TCF20: variants seen among roughly 807,000 people sequenced by gnomAD.
TCF20 encodes SPRE-binding protein.
Under a neutral mutation model 148.6 loss-of-function variants are expected in TCF20, and 3 were observed. That is an observed-to-expected ratio of 0.02 (90% CI 0.01 to 0.05). The LOEUF (loss-of-function observed/expected upper bound fraction) is 0.05, where lower values mean the gene tolerates loss of function less well. Ranked by LOEUF, TCF20 falls within the 10% of genes least tolerant of loss-of-function variation. The pLI, the probability that TCF20 is intolerant of heterozygous loss-of-function variation, is 1.00. For missense variants in TCF20, 2,350 were observed against 2,429.3 expected, an observed-to-expected ratio of 0.97 and a Z score of 0.69; for synonymous variants, 1,049 against 909.5, an observed-to-expected ratio of 1.15 and a Z score of -2.76.
upstream of TCF20, among the ~76,000 whole-genome samples, chr22:42,287,583 T>C (rs1008436772): frequency 6.6e-6 from 1 of 152,142 alleles, no homozygotes; most frequent in African/African-American, 2.4e-5. Context: ...GAGTCAGCAG[T>C]GAAAGCACAG....
intron 1 of TCF20, among the ~76,000 whole-genome samples, chr22:42,248,133 G>A (rs1292987025): frequency 6.6e-6 from 1 of 152,196 alleles, no homozygotes; most frequent in Admixed American, 6.5e-5. Context: ...TCAGATAATT[G>A]CTGTGAAGGG....
chr22:42,209,415 G>A (rs1284069620), intron 2 of TCF20, among the ~76,000 whole-genome samples: 2 of 152,112 alleles, frequency 1.3e-5, no homozygotes, highest in Non-Finnish European at 2.9e-5. Context: ...TGTGGCCCAA[G>A]AAACTTGAAA....
At chr22:42,198,016 A>C (rs1937695503) in intron 2 of TCF20, among the ~76,000 whole-genome samples, 1 of 152,216 alleles carries the variant, frequency 6.6e-6, no homozygotes, top group Non-Finnish European at 1.5e-5. Flanking sequence ...GCAGTTCAAC[A>C]GCCATAAATT....
chr22:42,255,419 G>A (rs552741229), intron 1 of TCF20, among the ~76,000 whole-genome samples: 3 of 152,158 alleles, frequency 2.0e-5, no homozygotes, highest in African/African-American at 7.2e-5. Flanking sequence ...AACCCGGGAG[G>A]AGGAGACTGC....
rs145994097 is a variant in TCF20 at position 42,213,242 on chromosome 22, C to T, written c.2064G>A (p.Ala688=). ...EGNGQSGHSA[A]GPGFTSRTEP... The stretch of plus-strand genomic sequence containing the variant: ...CAGTTCTGCTCGTAAAACCAGGGCC[C>T]GCTGCAGAGTGGCCACTCTGGCCAT... Residue 688 remains alanine, a synonymous_variant, in exon 2 of 6, where the codon GCG becomes GCA. Coordinates refer to ENST00000677622, the MANE Select transcript of TCF20 (RefSeq NM_001378418.1). The T allele has an allele frequency of 6.2e-6, 10 of 1,614,000 alleles. No individual in the cohort carries two copies. The highest frequency in any genetic ancestry group is 5.5e-5 in the South Asian group (5 of 91,080).
intron 3 of TCF20, among the ~76,000 whole-genome samples, chr22:42,176,982 T>C (rs1207590121): frequency 6.6e-6 from 1 of 152,220 alleles, no homozygotes; most frequent in African/African-American, 2.4e-5. Context: ...TAGTTTCAAA[T>C]GACTAGAAGA....
chr22:42,257,902 G>T (rs940167519), intron 1 of TCF20, among the ~76,000 whole-genome samples: 9 of 152,158 alleles, frequency 5.9e-5, no homozygotes, highest in African/African-American at 2.2e-4. Context: ...ATAACACTTA[G>T]CACACTGCCA....
At position 42,292,875 on chromosome 22, in the gene TCF20, CT is replaced by C. The variant is rs1416168837; in HGVS notation, c.-37+50603del. 6.6e-6 allele frequency among the ~76,000 whole-genome samples: 1 copy of C among 150,708 alleles called. No homozygotes were observed. The highest frequency in any genetic ancestry group is 2.4e-5 in the African/African-American group (1 of 40,912). On this transcript the variant is annotated intron_variant, in intron 1 of 1. Coordinates refer to the TCF20 transcript ENST00000515426. This position sits in a 1 kb window ranked among gnomAD's most constrained non-coding sequence, Gnocchi z 4.9. ...GCACAGACACATGGCTGGTGTGACC[CT>C]TCCACTGTCCCCAGCGCTGGATACT...
chr22:42,203,871 A>G (rs2147173685), intron 2 of TCF20, among the ~76,000 whole-genome samples: 1 of 152,224 alleles, frequency 6.6e-6, no homozygotes, highest in Non-Finnish European at 1.5e-5. Flanking sequence ...TGGAGTTAGG[A>G]GCAGAGAACA....
intron 1 of TCF20, among the ~76,000 whole-genome samples, chr22:42,234,606 T>G (rs1923713142): frequency 6.6e-6 from 1 of 152,190 alleles, no homozygotes; most frequent in Non-Finnish European, 1.5e-5. Context: ...CTTGCTTTTT[T>G]TAAGTGTCCA....
chr22:42,206,685 CAAAGA>C (rs1938410431), intron 2 of TCF20, among the ~76,000 whole-genome samples: 1 of 151,918 alleles, frequency 6.6e-6, no homozygotes, highest in African/African-American at 2.4e-5. Flanking sequence ...GAAGGAGGCA[CAAAGA>C]AAAGACCGTA....
intron 1 of TCF20, among the ~76,000 whole-genome samples, chr22:42,283,380 G>T (rs1382493454): frequency 1.3e-5 from 2 of 151,732 alleles, no homozygotes; most frequent in Non-Finnish European, 2.9e-5. Context: ...GCTGGATCTG[G>T]ACCGGAGGGG....
chr22:42,250,121 C>A (rs5751252), intron 1 of TCF20, among the ~76,000 whole-genome samples: 1 of 152,100 alleles, frequency 6.6e-6, no homozygotes, highest in Non-Finnish European at 1.5e-5. Flanking sequence ...GGCAACATAG[C>A]TAGAAGACTA....
intron 1 of TCF20, among the ~76,000 whole-genome samples, chr22:42,234,600 CTTTT>C (rs752658115): frequency 9.2e-5 from 14 of 152,210 alleles, no homozygotes; most frequent in Non-Finnish European, 2.1e-4. Context: ...CTAGTTCTTG[CTTTT>C]TTTAAGTGTC....
At chr22:42,220,329 A>T (rs1922240958) in intron 1 of TCF20, among the ~76,000 whole-genome samples, 1 of 152,110 alleles carries the variant, frequency 6.6e-6, no homozygotes, top group African/African-American at 2.4e-5. Flanking sequence ...CCCCTGGCTA[A>T]TTTTTAAAAA....
intron 1 of TCF20, among the ~76,000 whole-genome samples, chr22:42,228,136 T>C (rs1441364985): frequency 6.6e-6 from 1 of 152,158 alleles, no homozygotes; most frequent in Non-Finnish European, 1.5e-5. Context: ...TCTGGCTGTT[T>C]TGTGGAAAAC....
rs369800055 is a variant in TCF20, at chr22:42,168,637, G to A, written c.*16C>T. On this transcript the variant is annotated 3_prime_UTR_variant, in exon 5 of 6. Coordinates refer to ENST00000677622, the MANE Select transcript of TCF20 (RefSeq NM_001378418.1). Reference sequence around the variant, plus strand: ...TGCTTGCTGTCCTTTCCATTCCCACGAGCACACTGCCCCCCTCACCCCCGC... The same window carrying A: ...TGCTTGCTGTCCTTTCCATTCCCACAAGCACACTGCCCCCCTCACCCCCGC... The A allele has an allele frequency of 7.5e-6, 12 of 1,593,840 alleles. No homozygotes were observed. Among genetic ancestry groups the A allele is most frequent in the East Asian group, 2.3e-5 (1 of 44,056 alleles).
rs57857271 is a variant in TCF20, at chr22:42,179,490, C to CAAAA, written c.5749+115_5749+118dup. ...GGTGGGAAGTTTTTTTATGAAGTGACAAAAAAAAAAAAAAAAAAAAAGAAA... is the reference window on the plus strand; with the variant it reads ...GGTGGGAAGTTTTTTTATGAAGTGACAAAAAAAAAAAAAAAAAAAAAAAAAGAAA... On this transcript the variant is annotated intron_variant, in intron 3 of 5. Coordinates refer to ENST00000677622, the MANE Select transcript of TCF20 (RefSeq NM_001378418.1). 6.5e-3 allele frequency: 2,418 copies of CAAAA among 371,710 alleles called. 17 individuals are homozygous for CAAAA. The highest frequency in any genetic ancestry group is 7.4e-3 in the Non-Finnish European group (1,674 of 225,060). 23.0% of individuals were successfully genotyped at this position (371,710 alleles called of 1,614,324 possible). A position where few individuals can be genotyped will look rare whatever the true frequency, so the allele number is the denominator to read the frequency against.
rs1269969637 is a variant in TCF20, at chr22:42,292,744, C to A, written c.-37+50735G>T. Among the ~76,000 whole-genome samples the A allele has an allele frequency of 6.6e-6, 1 of 152,022 alleles. No homozygotes were observed. The highest frequency in any genetic ancestry group is 1.5e-5 in the Non-Finnish European group (1 of 68,006). On this transcript the variant is annotated intron_variant, in intron 1 of 1. Coordinates refer to the TCF20 transcript ENST00000515426. The surrounding 1 kb of genome is among the most constrained non-coding windows in gnomAD (Gnocchi z 4.9). ...AGGAAGACAAGGCTCGGATTGGATT[C>A]TCAGGCCTCTCTGCTCCCAGCCAGC...
Sources: allele counts gnomAD v4.1 joint callset (sites outside exome capture counted in the v4.1 genomes callset), GRCh38; gene constraint gnomAD v4.1.1; non-coding constraint Gnocchi (gnomAD v3.1); transcripts MANE v1.5; gene names NCBI Gene and HGNC (gene_info 2026-07-23, HGNC 2026-07-21).